Variants in TPM1 observed in about 807,000 individuals in gnomAD.
The protein encoded by TPM1 is tropomyosin 1.
In TPM1, 24 loss-of-function variants were observed where a neutral mutation model predicts 42.9. That is an observed-to-expected ratio of 0.56 (90% confidence interval 0.41 to 0.79). The LOEUF (loss-of-function observed/expected upper bound fraction) is 0.79. TPM1 is among the 30% of genes least tolerant of loss of function. The pLI is 0.00. For missense variants in TPM1, 158 were observed against 351.8 expected (o/e 0.45, Z 4.41); for synonymous variants, 136 against 130.1 (o/e 1.05, Z -0.31).
intron 2 of TPM1, chr15:63,048,092 C>A (rs1051365250): frequency 2.5e-6 from 1 of 393,040 alleles, no homozygotes; most frequent in Non-Finnish European, 5.0e-6. Flanking sequence ...TCTCTGGCTC[C>A]CGGGCATGGG....
intron 5 of TPM1, chr15:63,061,350 T>C: frequency 7.1e-7 from 1 of 1,403,504 alleles, no homozygotes; most frequent in Non-Finnish European, 1.0e-6. Context: ...CCTGGTTCGT[T>C]TGGTATAACG....
intron 6 of TPM1, 124 bp from the exon 7 acceptor site, chr15:63,062,089 CAG>C: frequency 1.2e-6 from 1 of 838,090 alleles, no homozygotes; most frequent in Non-Finnish European, 2.0e-6. Flanking sequence ...CATTTGATAT[CAG>C]AGGTTCCATT....
downstream of TPM1, chr15:63,070,142 C>T: frequency 2.8e-6 from 4 of 1,432,772 alleles, no homozygotes; most frequent in Non-Finnish European, 2.7e-6. Context: ...TCTTTAATCA[C>T]AAAACAGCTT....
In TPM1 at chr15:63,042,751, G is replaced by C; in HGVS notation, c.-79G>C. Reference sequence around the variant, plus strand: ...GGGAGAAGCAGGCGGCTCCGCGCTCGCACTCCCGCTCCTCCGCCCGACCGC... The same window carrying C: ...GGGAGAAGCAGGCGGCTCCGCGCTCCCACTCCCGCTCCTCCGCCCGACCGC... On this transcript the variant is annotated 5_prime_UTR_variant, in exon 1 of 10. Transcript: ENST00000403994. The C allele has an allele frequency of 2.6e-6, 3 of 1,176,032 alleles. No individual in the cohort carries two copies. The highest frequency in any genetic ancestry group is 3.7e-6 in the Non-Finnish European group (3 of 801,160). The allele number at this position is 1,176,032 out of a possible 1,614,324, so 72.8% of individuals were successfully genotyped here.
chr15:63,070,725 G>A, downstream of TPM1: 1 of 1,061,946 alleles, frequency 9.4e-7, no homozygotes. Flanking sequence ...AATGTCTGCT[G>A]TTCGTAACTT....
At chr15:63,060,367 C>A (rs533394915) in intron 4 of TPM1, among the ~76,000 whole-genome samples, 1 of 152,298 alleles carries the variant, frequency 6.6e-6, no homozygotes, top group South Asian at 2.1e-4. Flanking sequence ...TCTGGTTCTT[C>A]CACTAAATAC....
At chr15:63,043,990 C>A (rs761520904) in intron 1 of TPM1, 37 bp from the exon 2 acceptor site, 5 of 1,604,862 alleles carry the variant, frequency 3.1e-6, no homozygotes, top group Non-Finnish European at 3.4e-6. Context: ...GCCTGCTGCA[C>A]CCCCCTCCCT....
At chr15:63,045,356 G>A (rs926787980) in intron 2 of TPM1, 1 of 152,192 alleles carries the variant, frequency 6.6e-6, no homozygotes, top group Non-Finnish European at 1.5e-5. Context: ...CTGGAAAGGG[G>A]ATTTGGGGGG....
chr15:63,069,097 G>A (rs1369070299), downstream of TPM1, among the ~76,000 whole-genome samples: 1 of 152,172 alleles, frequency 6.6e-6, no homozygotes, highest in Non-Finnish European at 1.5e-5. Context: ...AGCTTGCAGT[G>A]AGCTGAGATC....
At chr15:63,048,096 G>A (rs1408086273) in intron 2 of TPM1, 1 of 403,858 alleles carries the variant, frequency 2.5e-6, no homozygotes, top group East Asian at 9.1e-5. Context: ...TGGCTCCCGG[G>A]CATGGGAATC....
At chr15:63,052,334 C>A (rs2034049348) in intron 2 of TPM1, among the ~76,000 whole-genome samples, 1 of 152,078 alleles carries the variant, frequency 6.6e-6, no homozygotes, top group South Asian at 2.1e-4. Flanking sequence ...ACTAGCCTAG[C>A]CAACATGGCA....
chr15:63,043,531 T>C (rs767575941), intron 1 of TPM1: 24 of 1,041,936 alleles, frequency 2.3e-5, no homozygotes, highest in Non-Finnish European at 3.4e-5. Context: ...GTGTGCGGGG[T>C]GAGCCGCGGA....
chr15:63,070,803 G>A (rs749317017), downstream of TPM1: 27 of 1,230,286 alleles, frequency 2.2e-5, no homozygotes, highest in Admixed American at 1.9e-4. Context: ...ACGGCACACC[G>A]TCAGTGAACC....
intron 2 of TPM1, chr15:63,055,712 C>T (rs1452637385): frequency 2.6e-5 from 4 of 152,132 alleles, no homozygotes; most frequent in Admixed American, 6.6e-5. Context: ...TTCTGAAAAC[C>T]CCACCACCCC....
chr15:63,071,305 G>A (rs534605989), exon 9 of TPM1: 397 of 1,049,756 alleles, frequency 3.8e-4, no homozygotes, highest in Non-Finnish European at 5.2e-4. Context: ...AGCTAGGTCA[G>A]GGGGTGGGGA....
intron 1 of TPM1, 135 bp from the exon 2 acceptor site, chr15:63,043,892 C>G (rs1425996008): frequency 1.3e-6 from 2 of 1,551,342 alleles, no homozygotes; most frequent in Non-Finnish European, 1.7e-6. Context: ...CTTTCTCTCT[C>G]TCCCTCCCTG....
At chr15:63,063,994 C>T in intron 8 of TPM1, 70 bp from the exon 9 acceptor site, 1 of 1,597,054 alleles carries the variant, frequency 6.3e-7, no homozygotes, top group Non-Finnish European at 8.5e-7. Flanking sequence ...GCGCACCACC[C>T]TCACTCACCC....
rs2036260938 is a variant in TPM1, at chr15:63,066,143, AAC to A, written c.*246_*247del. ...TCTTATTTATTGACATTTTAGTTTCAACATTGAATAAAACTACAAAGCTGCTT... is the reference window on the plus strand; with the variant it reads ...TCTTATTTATTGACATTTTAGTTTCAATTGAATAAAACTACAAAGCTGCTT... On this transcript the variant is annotated 3_prime_UTR_variant, in exon 10 of 10. Coordinates refer to ENST00000403994, the MANE Select transcript of TPM1 (RefSeq NM_001018005.2). The A allele has an allele frequency of 1.4e-6, 2 of 1,467,170 alleles. No individual in the cohort carries two copies. The highest frequency in any genetic ancestry group is 1.4e-5 in the African/African-American group (1 of 70,184). The allele number at this position is 1,467,170 out of a possible 1,614,324, so 90.9% of individuals were successfully genotyped here.
At chr15:63,046,911 G>A (rs1198588440) in intron 2 of TPM1, 1 of 152,230 alleles carries the variant, frequency 6.6e-6, no homozygotes, top group Non-Finnish European at 1.5e-5. Context: ...CTACAGACAA[G>A]GATGAGAAAA....
Sources: gnomAD v4.1 joint callset for allele counts (sites outside exome capture counted in the v4.1 genomes callset) on GRCh38, gnomAD v4.1.1 for gene constraint, MANE v1.5 for transcripts, NCBI Gene and HGNC (gene_info 2026-07-23, HGNC 2026-07-21) for gene names.